EFR3B: variants seen among roughly 807,000 people sequenced by gnomAD.
EFR3B encodes EFR3 homolog B.
A neutral mutation model predicts 104.7 loss-of-function variants in EFR3B; 64 were observed. The ratio of observed to expected loss-of-function variants is 0.61; its 90% CI spans 0.50 to 0.75. The LOEUF is 0.75. Ranked by LOEUF, EFR3B falls within the 30% of genes least tolerant of loss-of-function variation. The pLI is 0.00. For missense variants in EFR3B, 750 were observed against 1,078.5 expected (o/e 0.70, Z 4.27); for synonymous variants, 385 against 417.9 (o/e 0.92, Z 0.96).
chr2:25,079,602 C>CTT lies in EFR3B; in HGVS notation c.8-11722_8-11721dup, dbSNP rs1668732978. 1.3e-5 allele frequency among the ~76,000 whole-genome samples: 2 copies of CTT among 151,952 alleles called. 1 individual carries two copies. Among genetic ancestry groups the CTT allele is most frequent in the South Asian group, 4.2e-4 (2 of 4,818 alleles). ...TTTAATTTATTTTATTTGTAGGACT[C>CTT]TTATCAATGAAGAACTTTGTATCCA... On this transcript the variant is annotated intron_variant, in intron 1 of 22. Coordinates refer to ENST00000403714, the MANE Select transcript of EFR3B (RefSeq NM_014971.2).
Position 25,136,338 on chromosome 2 carries a change from G to A in EFR3B, c.1485-185G>A, listed in dbSNP as rs1378360144. Among the ~76,000 whole-genome samples, 2 of 152,144 alleles carry A rather than the reference G, an allele frequency of 1.3e-5. No homozygotes were observed. Among genetic ancestry groups the A allele is most frequent in the Non-Finnish European group, 2.9e-5 (2 of 68,014 alleles). ...CCTGTCTCAAAAAGGAAAAAAGAGA[G>A]AGAGATAAAGGGACAAATTCTTGAG... On this transcript the variant is annotated intron_variant, in intron 13 of 22. Coordinates refer to ENST00000403714, the MANE Select transcript of EFR3B (RefSeq NM_014971.2). This position sits in a 1 kb window ranked among gnomAD's most constrained non-coding sequence, Gnocchi z 4.0.
chr2:25,078,003 C>T (rs938764473), intron 1 of EFR3B, among the ~76,000 whole-genome samples: 6 of 152,174 alleles, frequency 3.9e-5, no homozygotes, highest in African/African-American at 1.4e-4. Context: ...AGGAAGCCTT[C>T]CTAGATTCAT....
Position 25,136,272 on chromosome 2 carries a change from T to G in EFR3B, c.1485-251T>G, listed in dbSNP as rs2149207748. On this transcript the variant is annotated intron_variant, in intron 13 of 22. Coordinates refer to ENST00000403714, the MANE Select transcript of EFR3B (RefSeq NM_014971.2). This position sits in a 1 kb window ranked among gnomAD's most constrained non-coding sequence, Gnocchi z 4.0. ...GGTTAAGGCTGCAGAGAGCTGTGAT[T>G]ATGGAACAACTACACTCCAGCCTAG... Among the ~76,000 whole-genome samples the G allele has an allele frequency of 6.6e-6, 1 of 151,954 alleles. No homozygotes were observed. The highest frequency in any genetic ancestry group is 1.5e-5 in the Non-Finnish European group (1 of 67,912).
intron 1 of EFR3B, among the ~76,000 whole-genome samples, chr2:25,051,011 A>G (rs990603583): frequency 6.6e-6 from 1 of 152,166 alleles, no homozygotes; most frequent in Non-Finnish European, 1.5e-5. Flanking sequence ...TGAGTGACTG[A>G]TTCCCCTCGG....
chr2:25,080,917 T>A (rs1376002014), intron 1 of EFR3B: 3 of 773,196 alleles, frequency 3.9e-6, no homozygotes, highest in Non-Finnish European at 4.8e-6. Flanking sequence ...TCCACAATAT[T>A]AGGTGGAAAT....
At chr2:25,053,862 G>T (rs1376397052) in intron 1 of EFR3B, among the ~76,000 whole-genome samples, 3 of 152,158 alleles carry the variant, frequency 2.0e-5, no homozygotes, top group African/African-American at 7.2e-5. Context: ...AGCCAAGATC[G>T]CACCACTGCA....
intron 12 of EFR3B, among the ~76,000 whole-genome samples, chr2:25,134,806 A>T (rs1670475861): frequency 6.6e-6 from 1 of 152,186 alleles, no homozygotes; most frequent in Admixed American, 6.5e-5. Context: ...TCTTAAGATA[A>T]CAGTTTGGGG....
At chr2:25,119,017 C>T (rs149599625) in intron 4 of EFR3B, among the ~76,000 whole-genome samples, 2 of 152,202 alleles carry the variant, frequency 1.3e-5, no homozygotes, top group African/African-American at 4.8e-5. Context: ...TACACAGTCA[C>T]TACATGCTGG....
At chr2:25,102,776 G>T (rs937545380) in intron 3 of EFR3B, among the ~76,000 whole-genome samples, 1 of 152,116 alleles carries the variant, frequency 6.6e-6, no homozygotes, top group African/African-American at 2.4e-5. Context: ...GTTCACTCAG[G>T]CTTTAGACTT....
Position 25,154,118 on chromosome 2 carries a change from GGT to G in EFR3B, c.2349-116_2349-115del. 3.6e-6 allele frequency: 3 copies of G among 834,430 alleles called. No homozygotes were observed. Among genetic ancestry groups the G allele is most frequent in the Non-Finnish European group, 5.7e-6 (3 of 528,036 alleles). The allele number at this position is 834,430 out of a possible 1,614,324, so 51.7% of individuals were successfully genotyped here. On this transcript the variant is annotated intron_variant, in intron 22 of 22. Coordinates refer to ENST00000403714, the MANE Select transcript of EFR3B (RefSeq NM_014971.2). The surrounding 1 kb of genome is among the most constrained non-coding windows in gnomAD (Gnocchi z 4.1). ...ATCCTGGGAACCTGTGGAATGAAGG[GGT>G]CTCTGGTGCCTGTGCAAAAAGAAAC...
intron 1 of EFR3B, among the ~76,000 whole-genome samples, chr2:25,057,837 T>C (rs935688014): frequency 3.3e-4 from 50 of 152,034 alleles, no homozygotes; most frequent in Admixed American, 1.6e-3. Context: ...TTAAAAACTT[T>C]TGTGCATCAA....
rs1295387860 is a variant in EFR3B, at chr2:25,158,431, A to G, written c.*4091A>G. ...CAGGCATCTCCCTCACACCTGGGGA[A>G]AGGTTTAGGGCAACATGTTGCCTCT... On this transcript the variant is annotated 3_prime_UTR_variant, in exon 23 of 23. Transcript: ENST00000403714. The G allele has an allele frequency of 6.6e-6, 1 of 152,240 alleles. No individual in the cohort carries two copies. Among genetic ancestry groups the G allele is most frequent in the Non-Finnish European group, 1.5e-5 (1 of 68,092 alleles). The allele number at this position is 152,240 out of a possible 1,614,324, so 9.4% of individuals were successfully genotyped here.
At chr2:25,099,684 G>A (rs1326626910) in intron 3 of EFR3B, among the ~76,000 whole-genome samples, 1 of 151,936 alleles carries the variant, frequency 6.6e-6, no homozygotes, top group South Asian at 2.1e-4. Context: ...CATGACTGCT[G>A]TTAATTTTTT....
In EFR3B at chr2:25,137,491, C is replaced by A; in HGVS notation, c.1711C>A (p.Leu571Met). 6.4e-7 allele frequency: 1 copy of A among 1,551,732 alleles called. No homozygotes were observed. The highest frequency in any genetic ancestry group is 2.4e-5 in the East Asian group (1 of 40,910). Residue 571 changes from leucine (L) to methionine (M), a missense_variant, in exon 15 of 23, where the codon CTG becomes ATG. Leu to Met is a conservative substitution (Grantham distance 15, BLOSUM62 2). Transcript: ENST00000403714. This position sits in a 1 kb window ranked among gnomAD's most constrained non-coding sequence, Gnocchi z 4.7. ...EVVVDLIRLVLAVQDVAQVNE... is the reference protein window; with the variant it reads ...EVVVDLIRLVMAVQDVAQVNE... ...GGTGGTGGACCTCATCCGTCTGGTG[C>A]TGGCTGTTCAGGTGGGGCCTGGTGT...
chr2:25,143,969 T>G, intron 18 of EFR3B, 107 bp downstream of exon 18: 2 of 1,398,702 alleles, frequency 1.4e-6, no homozygotes, highest in East Asian at 2.6e-5. Context: ...GTGAGGCACC[T>G]TGGATGTCGT....
intron 21 of EFR3B, 70 bp from the exon 22 acceptor site, chr2:25,153,642 C>A (rs1573243285): frequency 6.6e-7 from 1 of 1,508,030 alleles, no homozygotes; most frequent in Non-Finnish European, 9.0e-7. Flanking sequence ...ACTCTGGACA[C>A]CCTGAGCCAG....
At chr2:25,081,977 G>T (rs546060710) in intron 1 of EFR3B, among the ~76,000 whole-genome samples, 1 of 152,186 alleles carries the variant, frequency 6.6e-6, no homozygotes, top group Non-Finnish European at 1.5e-5. Flanking sequence ...TGATCAAGGG[G>T]ACAGCTCAGT....
In EFR3B at chr2:25,075,630, A is replaced by G. The variant is rs577551290; in HGVS notation, c.8-15695A>G. Among the ~76,000 whole-genome samples the G allele has an allele frequency of 6.6e-5, 10 of 152,272 alleles. No individual in the cohort carries two copies. The South Asian group carries it at 2.1e-3, about 32-fold the overall frequency. On this transcript the variant is annotated intron_variant, in intron 1 of 22. Transcript: ENST00000403714. ...CCATGTTCCTGGTGAATATATTTTCAATTCTATTTTTTACCTACCAACAAT... is the reference window on the plus strand; with the variant it reads ...CCATGTTCCTGGTGAATATATTTTCGATTCTATTTTTTACCTACCAACAAT...
chr2:25,094,954 TTATTTTTTG>T (rs1477797982), intron 3 of EFR3B, among the ~76,000 whole-genome samples: 2 of 152,036 alleles, frequency 1.3e-5, no homozygotes, highest in Non-Finnish European at 2.9e-5. Context: ...CATGCCTGGC[TTATTTTTTG>T]TATTTTTTGT....
Sources: gnomAD v4.1 joint callset for allele counts (sites outside exome capture counted in the v4.1 genomes callset) on GRCh38, gnomAD v4.1.1 for gene constraint, Gnocchi (gnomAD v3.1) non-coding constraint, MANE v1.5 for transcripts, NCBI Gene and HGNC (gene_info 2026-07-23, HGNC 2026-07-21) for gene names.